URB1: variants seen among roughly 807,000 people sequenced by gnomAD.
URB1 encodes URB1 ribosome biogenesis factor, also known as nucleolar pre-ribosomal-associated protein 1.
In URB1, 197 loss-of-function variants were observed where a neutral mutation model predicts 242.3. The ratio of observed to expected loss-of-function variants is 0.81; its 90% CI spans 0.72 to 0.91. URB1 has a LOEUF of 0.91. Ranked by LOEUF, URB1 falls within the 40% of genes least tolerant of loss-of-function variation. The pLI is 0.00. For missense variants in URB1, 2,721 were observed against 2,860.5 expected, an observed-to-expected ratio of 0.95 and a Z score of 1.11; for synonymous variants, 1,153 against 1,201.8, an observed-to-expected ratio of 0.96 and a Z score of 0.84.
In URB1 at chr21:32,345,567, C is replaced by T. The variant is rs1335048403; in HGVS notation, c.3877G>A (p.Ala1293Thr). Residue 1293 changes from alanine (A) to threonine (T), a missense_variant, in exon 23 of 39, where the codon GCT (alanine) becomes ACT (threonine). Ala to Thr is a moderately conservative substitution (Grantham distance 58, BLOSUM62 0). Transcript: ENST00000382751. ...GTCTTCCTCAAGACAGGAATGACAG[C>T]GGAAGACACTAGGGCAGAGATACAA... ...HFTRPAGVSS[A>T]VIPVLRKTLW... The T allele has an allele frequency of 1.6e-5, 24 of 1,540,910 alleles. No individual in the cohort carries two copies. The highest frequency in any genetic ancestry group is 4.9e-5 in the East Asian group (2 of 40,590).
chr21:32,344,815 G>A lies in URB1; in HGVS notation c.4071-59C>T, dbSNP rs942959144. 37 of 1,491,408 alleles carry A rather than the reference G, an allele frequency of 2.5e-5. 1 individual carries two copies. Among genetic ancestry groups the A allele is most frequent in the Middle Eastern group, 1.7e-4 (1 of 5,716 alleles). 92.4% of individuals were successfully genotyped at this position (1,491,408 alleles called of 1,614,324 possible). ...CAGGTTTAAATCCTTCTGACTTTAC[G>A]TATAATCCAGCATCACAAAGAGCCA... On this transcript the variant is annotated intron_variant, in intron 23 of 38. Transcript: ENST00000382751.
At chr21:32,372,881 G>T (rs1221947878) in intron 7 of URB1, among the ~76,000 whole-genome samples, 1 of 152,160 alleles carries the variant, frequency 6.6e-6, no homozygotes, top group Non-Finnish European at 1.5e-5. Context: ...AATTTCTCTT[G>T]TTCATTTGAA....
At chr21:32,375,336 G>C (rs375873812) in intron 6 of URB1, 62 bp downstream of exon 6, 1 of 1,085,498 alleles carries the variant, frequency 9.2e-7, no homozygotes, top group Non-Finnish European at 1.3e-6. Flanking sequence ...GTAAAACACC[G>C]GAGAATATCT....
chr21:32,327,603 A>G (rs1388952728), intron 30 of URB1, among the ~76,000 whole-genome samples: 1 of 152,232 alleles, frequency 6.6e-6, no homozygotes, highest in Non-Finnish European at 1.5e-5. Flanking sequence ...AATGGTAACA[A>G]TATGGCAAAT....
intron 5 of URB1, among the ~76,000 whole-genome samples, chr21:32,378,176 T>C (rs752955288): frequency 2.3e-4 from 35 of 152,224 alleles, no homozygotes; most frequent in Non-Finnish European, 4.0e-4. Context: ...TCTGCCTCTC[T>C]GAAGTCTGCA....
chr21:32,372,247 G>C (rs1427514633), intron 8 of URB1, among the ~76,000 whole-genome samples: 1 of 152,206 alleles, frequency 6.6e-6, no homozygotes, highest in Non-Finnish European at 1.5e-5. Flanking sequence ...ACTGTCTTTA[G>C]GTAAACATCC....
chr21:32,383,340 G>A, intron 4 of URB1, 82 bp downstream of exon 4: 1 of 1,440,958 alleles, frequency 6.9e-7, no homozygotes, highest in African/African-American at 1.4e-5. Context: ...GGGGATCAGG[G>A]GCAGAGAATG....
chr21:32,327,897 G>A (rs1360852076), intron 30 of URB1, among the ~76,000 whole-genome samples: 2 of 152,144 alleles, frequency 1.3e-5, no homozygotes, highest in Non-Finnish European at 2.9e-5. Flanking sequence ...AAAGTTGCAG[G>A]TAAAAGTCAA....
At position 32,320,511 on chromosome 21, in the gene URB1, C is replaced by T. The variant is rs1291678489; in HGVS notation, c.5594+20G>A. The T allele has an allele frequency of 9.9e-6, 15 of 1,509,910 alleles. No homozygotes were observed. The highest frequency in any genetic ancestry group is 2.4e-5 in the South Asian group (2 of 82,656). 93.5% of individuals were successfully genotyped at this position (1,509,910 alleles called of 1,614,324 possible). ...TTTCCTTCCCACCTGACGCGCACCT[C>T]GCATGCAAAAGGTACTTACTTGCTT... On this transcript the variant is annotated intron_variant, in intron 35 of 38. Transcript: ENST00000382751.
chr21:32,349,117 C>T lies in URB1; in HGVS notation c.3012+187G>A, dbSNP rs572617149. Among the ~76,000 whole-genome samples, 202 of 152,366 alleles carry T rather than the reference C, an allele frequency of 1.3e-3. 1 individual carries two copies. The highest frequency in any genetic ancestry group is 4.6e-3 in the African/African-American group (193 of 41,586). ...AGGGTGACTGTACACAGAAAAGCAA[C>T]AGGAAAGAGAAGCCCAAATTAAACC... On this transcript the variant is annotated intron_variant, in intron 21 of 38. Coordinates refer to ENST00000382751, the MANE Select transcript of URB1 (RefSeq NM_014825.3).
At chr21:32,352,188 T>C (rs996816098) in intron 19 of URB1, among the ~76,000 whole-genome samples, 3 of 152,190 alleles carry the variant, frequency 2.0e-5, no homozygotes, top group Admixed American at 6.5e-5. Context: ...CCACACAGCA[T>C]TGTAAATACC....
intron 8 of URB1, 31 bp downstream of exon 8, chr21:32,372,476 C>T: frequency 6.5e-7 from 1 of 1,547,190 alleles, no homozygotes; most frequent in Non-Finnish European, 8.7e-7. Context: ...AACATACACA[C>T]CCTGGGGTCC....
Position 32,317,770 on chromosome 21 carries a change from G to A in URB1, c.5940C>T (p.Val1980=). ...CAATGAGGCTCCACTTGTGCAAGAG[G>A]ACAAGGACGTCCTTGGTGGAAAGCA... ...ETVLSTKDVL[V]LLHKWSLIER... is the part of the protein sequence containing the mutation. Residue 1980 remains valine (V), a synonymous_variant, in exon 37 of 39, where the codon GTC becomes GTT. Transcript: ENST00000382751. 6.4e-7 allele frequency: 1 copy of A among 1,551,926 alleles called. No individual in the cohort carries two copies. The highest frequency in any genetic ancestry group is 8.7e-7 in the Non-Finnish European group (1 of 1,147,048).
At position 32,359,859 on chromosome 21, in the gene URB1, C is replaced by T. The variant is rs1223053340; in HGVS notation, c.1806G>A (p.Gln602=). The change falls in exon 14 of 39, where the codon CAG becomes CAA. Residue 602 remains glutamine (Q), a synonymous_variant. Transcript: ENST00000382751. ...CCAGGGCCACCTTCAGCATGTGGTG[C>T]TGCAGAATGGGAGGCACCTCCTCTC... ...GLREEVPPIL[Q]HHMLKVALEL... is the part of the protein sequence containing the mutation. 1.3e-6 allele frequency: 2 copies of T among 1,548,550 alleles called. No homozygotes were observed. Among genetic ancestry groups the T allele is most frequent in the South Asian group, 1.2e-5 (1 of 83,468 alleles).
intron 4 of URB1, among the ~76,000 whole-genome samples, chr21:32,382,052 C>T (rs1162675059): frequency 3.3e-5 from 5 of 152,154 alleles, no homozygotes; most frequent in Admixed American, 2.6e-4. Context: ...AAATAATGTG[C>T]CCTGAGACCC....
In URB1 at chr21:32,344,750, G is replaced by C; in HGVS notation, c.4077C>G (p.Ile1359Met). Residue 1359 changes from isoleucine to methionine, a missense_variant, in exon 24 of 39, where the codon ATC becomes ATG. Physicochemically the swap from Ile to Met is conservative, Grantham distance 10 (BLOSUM62 1). Transcript: ENST00000382751. ...GAGCTGCTGAAATGGAGTCGGCCAC[G>C]ATCCACCTGCAGCAGGAGATGAGAG... The part of the protein sequence containing the change: ...LHTPSSHKRW[I>M]VADSISAALE... 5.8e-6 allele frequency: 9 copies of C among 1,550,454 alleles called. No homozygotes were observed. In the East Asian group the frequency reaches 2.0e-4, roughly 34 times the overall value.
Position 32,345,413 on chromosome 21 carries a change from C to T in URB1, c.4031G>A (p.Arg1344His), listed in dbSNP as rs374160696. Residue 1344 changes from arginine to histidine, a missense_variant, in exon 23 of 39, where the codon CGC becomes CAC. Coordinates refer to ENST00000382751, the MANE Select transcript of URB1 (RefSeq NM_014825.3). ...RAKDLSVLMD[R>H]LPSLLHTPSS... is the part of the protein sequence containing the mutation. The stretch of plus-strand genomic sequence containing the variant: ...TGGGGTGTGAAGCAAGCTGGGCAGG[C>T]GGTCCATGAGTACACTGAGATCCTT... The T allele has an allele frequency of 1.8e-5, 28 of 1,551,446 alleles. 1 individual carries two copies. The highest frequency in any genetic ancestry group is 4.9e-5 in the East Asian group (2 of 40,886).
At chr21:32,383,632 C>A in intron 3 of URB1, 78 bp from the exon 4 acceptor site, 1 of 1,405,920 alleles carries the variant, frequency 7.1e-7, no homozygotes, top group Non-Finnish European at 9.3e-7. Flanking sequence ...AAGCCAGCTG[C>A]AAGCTGCTTG....
chr21:32,338,944 A>C, intron 25 of URB1, 44 bp from the exon 26 acceptor site: 1 of 1,462,010 alleles, frequency 6.8e-7, no homozygotes, highest in Non-Finnish European at 9.1e-7. Flanking sequence ...GCTAAAAGGA[A>C]AATTTATTTT....
Sources: allele counts gnomAD v4.1 joint callset (sites outside exome capture counted in the v4.1 genomes callset), GRCh38; gene constraint gnomAD v4.1.1; transcripts MANE v1.5; gene names NCBI Gene and HGNC (gene_info 2026-07-23, HGNC 2026-07-21).